CFAP276: variants seen among roughly 807,000 people sequenced by gnomAD.
The protein encoded by CFAP276 is cilia and flagella associated protein 276, also known as cilia- and flagella-associated protein 276.
At chr1:109,111,991 G>A in the CFAP276 span, among the ~76,000 whole-genome samples, 1 of 152,238 alleles carries the variant, frequency 6.6e-6, no homozygotes, top group African/African-American at 2.4e-5. Context: ...CTGGCTTATA[G>A]TAAATAAGTA....
At chr1:109,112,348 A>G in the CFAP276 span, among the ~76,000 whole-genome samples, 1 of 152,178 alleles carries the variant, frequency 6.6e-6, no homozygotes, top group Non-Finnish European at 1.5e-5. Flanking sequence ...ACTTATACTC[A>G]CAATTGATTT....
chr1:109,106,428 T>C, the CFAP276 span: 2 of 1,380,108 alleles, frequency 1.4e-6, no homozygotes, highest in Non-Finnish European at 2.0e-6. Context: ...CCCACAGATA[T>C]CCTTCATCTT....
the CFAP276 span, among the ~76,000 whole-genome samples, chr1:109,110,977 G>C: frequency 6.6e-6 from 1 of 152,092 alleles, no homozygotes; most frequent in Admixed American, 6.5e-5. Context: ...TGTCAGTCCT[G>C]CCCTGTGCAC....
the CFAP276 span, chr1:109,107,009 A>G: frequency 6.8e-6 from 11 of 1,610,754 alleles, no homozygotes; most frequent in East Asian, 4.5e-5. Flanking sequence ...CCACTTACCT[A>G]TAGGTATCCT....
the CFAP276 span, chr1:109,112,659 A>G: frequency 1.3e-4 from 194 of 1,550,550 alleles, no homozygotes; most frequent in African/African-American, 2.1e-3. Flanking sequence ...GCTGCTGGAA[A>G]GGGTCCCGGG....
the CFAP276 span, among the ~76,000 whole-genome samples, chr1:109,107,725 C>A: frequency 5.9e-4 from 84 of 143,524 alleles, no homozygotes; most frequent in East Asian, 1.2e-3. Context: ...CTCATCTCTT[C>A]AAAAAAAAAA....
At chr1:109,107,774 A>T in the CFAP276 span, 1 of 622,016 alleles carries the variant, frequency 1.6e-6, no homozygotes, top group Non-Finnish European at 2.8e-6. Context: ...TAGTTTCAGG[A>T]GGCAGAGGCA....
At chr1:109,107,636 C>T in the CFAP276 span, among the ~76,000 whole-genome samples, 2 of 151,968 alleles carry the variant, frequency 1.3e-5, no homozygotes, top group Non-Finnish European at 2.9e-5. Flanking sequence ...TGCCTATAAT[C>T]CCAGCACTTC....
At chr1:109,112,908 C>A in the CFAP276 span, among the ~76,000 whole-genome samples, 815 of 131,770 alleles carry the variant, frequency 6.2e-3, 6 homozygotes, top group Admixed American at 8.0e-3. Flanking sequence ...GGGAACGTTC[C>A]GCTGAGCGGG....
the CFAP276 span, among the ~76,000 whole-genome samples, chr1:109,109,514 A>G: frequency 0.2 from 29,956 of 146,528 alleles, 4,580 homozygotes; most frequent in East Asian, 0.42. Flanking sequence ...AATATGGCAA[A>G]GTGCTATGTG....
the CFAP276 span, chr1:109,107,102 G>T: frequency 6.2e-7 from 1 of 1,614,162 alleles, no homozygotes; most frequent in Non-Finnish European, 8.5e-7. Context: ...CTAAGCGGAA[G>T]TCCAGGTCAT....
At chr1:109,110,897 G>A in the CFAP276 span, among the ~76,000 whole-genome samples, 135 of 152,082 alleles carry the variant, frequency 8.9e-4, 1 homozygote, top group Non-Finnish European at 8.4e-4. Context: ...GAATTAAACC[G>A]TTAGGAACCC....
the CFAP276 span, among the ~76,000 whole-genome samples, chr1:109,113,416 A>AGAGAGAGAGAG: frequency 1.5e-5 from 1 of 68,040 alleles, no homozygotes; most frequent in African/African-American, 8.3e-5. Flanking sequence ...GAGAGAGAGA[A>AGAGAGAGAGAG]AGAGAGAGAG....
chr1:109,108,439 G>T, the CFAP276 span, among the ~76,000 whole-genome samples: 1 of 152,078 alleles, frequency 6.6e-6, no homozygotes, highest in East Asian at 1.9e-4. Flanking sequence ...CATCATGCCC[G>T]GCCCCATCTA....
chr1:109,106,763 ACT>A, the CFAP276 span: 11 of 1,339,844 alleles, frequency 8.2e-6, no homozygotes, highest in African/African-American at 1.2e-4. Context: ...GCAGCCAAAG[ACT>A]CTTTTTACCT....
chr1:109,108,871 C>T, the CFAP276 span, among the ~76,000 whole-genome samples: 1 of 152,050 alleles, frequency 6.6e-6, no homozygotes, highest in African/African-American at 2.4e-5. Context: ...GAGACGAAAT[C>T]AGGAGAATGC....
At chr1:109,107,144 A>C in the CFAP276 span, 1 of 1,589,704 alleles carries the variant, frequency 6.3e-7, no homozygotes, top group Non-Finnish European at 8.6e-7. Context: ...AGTCCCCCCC[A>C]AGGTTAGCTC....
the CFAP276 span, chr1:109,112,871 T>G: frequency 3.3e-6 from 3 of 895,886 alleles, no homozygotes; most frequent in South Asian, 6.3e-5. Context: ...GGGAGGCCCC[T>G]GGGGAGGAAG....
the CFAP276 span, chr1:109,107,176 A>G: frequency 1.4e-6 from 2 of 1,392,108 alleles, no homozygotes; most frequent in Non-Finnish European, 2.0e-6. Context: ...TCCCTGCTCT[A>G]GTCAGGTTCT....
Sources: allele counts gnomAD v4.1 joint callset (sites outside exome capture counted in the v4.1 genomes callset), GRCh38; gene constraint gnomAD v4.1.1; transcripts MANE v1.5; gene names NCBI Gene and HGNC (gene_info 2026-07-23, HGNC 2026-07-21).